MYO3B: variants seen among roughly 807,000 people sequenced by gnomAD.
The protein encoded by MYO3B is myosin-IIIb.
A neutral mutation model predicts 174.6 loss-of-function variants in MYO3B; 156 were observed. The ratio of observed to expected loss-of-function variants is 0.89; its 90% CI spans 0.78 to 1.02. The LOEUF (loss-of-function observed/expected upper bound fraction) is 1.02, where lower values mean the gene tolerates loss of function less well. Among genes scored for constraint, MYO3B ranks in the 50% least tolerant of loss-of-function variants. The pLI is 0.00. For missense variants in MYO3B, 1,632 were observed against 1,639.4 expected, an observed-to-expected ratio of 1.00 and a Z score of 0.08; for synonymous variants, 563 against 569.1, an observed-to-expected ratio of 0.99 and a Z score of 0.15.
At chr2:170,515,138 T>A in intron 29 of MYO3B, 116 bp downstream of exon 29, 1 of 822,790 alleles carries the variant, frequency 1.2e-6, no homozygotes, top group Non-Finnish European at 1.9e-6. Flanking sequence ...CCACTCCTTC[T>A]TTTTTCTATA....
At chr2:170,430,650 A>G (rs1386115381) in intron 22 of MYO3B, among the ~76,000 whole-genome samples, 2 of 152,168 alleles carry the variant, frequency 1.3e-5, no homozygotes, top group Non-Finnish European at 2.9e-5. Flanking sequence ...GATTACAAGC[A>G]TGAGCCACCG....
chr2:170,314,871 A>G (rs1317253964), intron 7 of MYO3B, among the ~76,000 whole-genome samples: 3 of 152,154 alleles, frequency 2.0e-5, no homozygotes, highest in African/African-American at 7.2e-5. Context: ...GTATTACTCA[A>G]TGTTGTATTT....
chr2:170,294,691 C>T (rs1391130716), intron 7 of MYO3B, among the ~76,000 whole-genome samples: 1 of 151,968 alleles, frequency 6.6e-6, no homozygotes, highest in Non-Finnish European at 1.5e-5. Flanking sequence ...TTGAAACTAC[C>T]CTGTATGATA....
At chr2:170,205,735 T>A (rs916199161) in intron 3 of MYO3B, among the ~76,000 whole-genome samples, 7 of 152,122 alleles carry the variant, frequency 4.6e-5, no homozygotes, top group African/African-American at 1.7e-4. Context: ...TATCTTCCAA[T>A]GGATACTCCA....
rs200917233 is a variant in MYO3B at position 170,237,306 on chromosome 2, A to AT, written c.749+1179dup. Among the ~76,000 whole-genome samples, 544 of 151,772 alleles carry AT rather than the reference A, an allele frequency of 3.6e-3. 2 individuals are homozygous for AT. The highest frequency in any genetic ancestry group is 6.8e-3 in the Middle Eastern group (2 of 294). ...TGGAATGATTTGTGTGTGTGCTTTG[A>AT]TTTTTTTTTACAAATGGTTTACCCC... On this transcript the variant is annotated intron_variant, in intron 7 of 34. Coordinates refer to ENST00000408978, the MANE Select transcript of MYO3B (RefSeq NM_138995.5).
At chr2:170,445,133 C>T (rs754624830) in intron 23 of MYO3B, among the ~76,000 whole-genome samples, 8 of 152,060 alleles carry the variant, frequency 5.3e-5, no homozygotes, top group African/African-American at 7.2e-5. Context: ...TGTTAAAAGA[C>T]ACCCTATTTA....
intron 23 of MYO3B, among the ~76,000 whole-genome samples, chr2:170,458,459 G>A (rs1281638868): frequency 1.3e-5 from 2 of 152,166 alleles, no homozygotes; most frequent in African/African-American, 4.8e-5. Flanking sequence ...CTAAGGTAAA[G>A]AACATATACT....
chr2:170,363,008 C>T (rs1213282488), intron 8 of MYO3B, among the ~76,000 whole-genome samples: 1 of 152,030 alleles, frequency 6.6e-6, no homozygotes, highest in African/African-American at 2.4e-5. Flanking sequence ...GGATTTTCTC[C>T]CCTTGATTTA....
intron 7 of MYO3B, among the ~76,000 whole-genome samples, chr2:170,247,890 A>G (rs994650162): frequency 2.6e-5 from 4 of 152,344 alleles, no homozygotes; most frequent in Non-Finnish European, 4.4e-5. Context: ...GGACATAAAC[A>G]TTCAGACCAT....
intron 7 of MYO3B, among the ~76,000 whole-genome samples, chr2:170,268,713 C>A (rs965714763): frequency 1.3e-5 from 2 of 151,738 alleles, no homozygotes; most frequent in Non-Finnish European, 2.9e-5. Context: ...AAAGGGGTAC[C>A]AAATTAGCAA....
chr2:170,383,201 T>C lies in MYO3B; in HGVS notation c.1185+12T>C. The C allele has an allele frequency of 6.8e-7, 1 of 1,462,736 alleles. No individual in the cohort carries two copies. Among genetic ancestry groups the C allele is most frequent in the Non-Finnish European group, 9.6e-7 (1 of 1,043,774 alleles). The allele number at this position is 1,462,736 out of a possible 1,614,324, so 90.6% of individuals were successfully genotyped here. On this transcript the variant is annotated intron_variant, in intron 11 of 34. Transcript: ENST00000408978. ...TATACTCTCCACAGGTAAGGGATGT[T>C]TTAAGAGCATACTGCTCCTTAATAG...
chr2:170,422,977 C>CTTTTTTTTTTTTTTTTTTTT lies in MYO3B; in HGVS notation c.2650+15135_2650+15154dup, dbSNP rs34882424. Among the ~76,000 whole-genome samples the CTTTTTTTTTTTTTTTTTTTT allele has an allele frequency of 2.4e-4, 21 of 88,504 alleles. 3 individuals carry two copies. The highest frequency in any genetic ancestry group is 7.0e-4 in the Admixed American group (4 of 5,690). 58.1% of individuals were successfully genotyped at this position (88,504 alleles called of 152,430 possible). Reference sequence around the variant, plus strand: ...TTAGACCAACCATATTTCTTTCTTTCTTTTTTTTTTTTTTTTTTTTTGAGA... The same window carrying CTTTTTTTTTTTTTTTTTTTT: ...TTAGACCAACCATATTTCTTTCTTTCTTTTTTTTTTTTTTTTTTTTTTTTTTTTTTTTTTTTTTTTTGAGA... On this transcript the variant is annotated intron_variant, in intron 22 of 34. Transcript: ENST00000408978.
At chr2:170,389,389 T>A in intron 14 of MYO3B, among the ~76,000 whole-genome samples, 1 of 152,142 alleles carries the variant, frequency 6.6e-6, no homozygotes, top group East Asian at 1.9e-4. Flanking sequence ...CCACAGCCCA[T>A]CAGTGACTGC....
intron 30 of MYO3B, among the ~76,000 whole-genome samples, chr2:170,521,731 A>AG (rs1428416299): frequency 6.6e-6 from 1 of 152,062 alleles, no homozygotes; most frequent in Non-Finnish European, 1.5e-5. Context: ...TACTAAAAAA[A>AG]AGCCTGCCCT....
chr2:170,320,694 T>C (rs1283644990), intron 7 of MYO3B, among the ~76,000 whole-genome samples: 2 of 152,042 alleles, frequency 1.3e-5, no homozygotes, highest in South Asian at 2.1e-4. Flanking sequence ...CATATATATA[T>C]GTGCTTATAC....
intron 32 of MYO3B, among the ~76,000 whole-genome samples, chr2:170,627,938 T>C (rs1257340086): frequency 2.6e-5 from 4 of 152,232 alleles, no homozygotes; most frequent in Admixed American, 1.3e-4. Flanking sequence ...TACCTCGCCA[T>C]GTGACATGTC....
intron 29 of MYO3B, among the ~76,000 whole-genome samples, chr2:170,516,642 C>CAAA (rs35780085): frequency 9.2e-6 from 1 of 108,224 alleles, no homozygotes; most frequent in Non-Finnish European, 2.0e-5. Context: ...GACTCCGTCT[C>CAAA]AAAAAAAAAA....
intron 32 of MYO3B, among the ~76,000 whole-genome samples, chr2:170,623,826 A>G (rs1184000519): frequency 6.6e-6 from 1 of 152,240 alleles, no homozygotes; most frequent in Non-Finnish European, 1.5e-5. Context: ...TTTGTTAAAT[A>G]GGGAATCCTT....
At chr2:170,601,657 CTT>C (rs889399528) in intron 32 of MYO3B, 2 of 1,381,776 alleles carry the variant, frequency 1.4e-6, no homozygotes, top group African/African-American at 2.8e-5. Flanking sequence ...TCCTCTTCAT[CTT>C]CTGTCCTCCT....
Sources: gnomAD v4.1 joint callset for allele counts (sites outside exome capture counted in the v4.1 genomes callset) on GRCh38, gnomAD v4.1.1 for gene constraint, MANE v1.5 for transcripts, NCBI Gene and HGNC (gene_info 2026-07-23, HGNC 2026-07-21) for gene names.